Variants in FGF12 observed in about 807,000 individuals in gnomAD.
FGF12 encodes the protein fibroblast growth factor 12, also known as fibroblast growth factor 12B.
A neutral mutation model predicts 23.6 loss-of-function variants in FGF12; 14 were observed. The ratio of observed to expected loss-of-function variants is 0.59; its 90% CI spans 0.39 to 0.93. The LOEUF (loss-of-function observed/expected upper bound fraction) is 0.93. FGF12 is among the 40% of genes least tolerant of loss of function. The pLI, the probability that FGF12 is intolerant of heterozygous loss-of-function variation, is 0.00. For synonymous variants in FGF12, 62 were observed against 77.3 expected, an observed-to-expected ratio of 0.80 and a Z score of 1.04; for missense variants, 175 against 217.8, an observed-to-expected ratio of 0.80 and a Z score of 1.24.
intron 2 of FGF12, among the ~76,000 whole-genome samples, chr3:192,568,167 G>T (rs1712430104): frequency 6.6e-6 from 1 of 152,008 alleles, no homozygotes; most frequent in Non-Finnish European, 1.5e-5. Flanking sequence ...ACTTGTCATT[G>T]GATTTAGGGT....
intron 2 of FGF12, among the ~76,000 whole-genome samples, chr3:192,582,010 G>A (rs1427825584): frequency 1.3e-5 from 2 of 152,064 alleles, no homozygotes; most frequent in African/African-American, 2.4e-5. Context: ...CAGGATTTGT[G>A]GGAAAATAAA....
intron 2 of FGF12, among the ~76,000 whole-genome samples, chr3:192,414,774 T>C (rs1056019500): frequency 6.6e-6 from 1 of 152,186 alleles, no homozygotes; most frequent in Non-Finnish European, 1.5e-5. Flanking sequence ...ATGCCAAATG[T>C]ACTTCCATTC....
intron 2 of FGF12, among the ~76,000 whole-genome samples, chr3:192,411,968 C>T (rs916124203): frequency 6.1e-5 from 9 of 146,382 alleles, no homozygotes; most frequent in African/African-American, 2.3e-4. Flanking sequence ...TTTTTTTTTT[C>T]CAAAGAAAAT....
chr3:192,201,159 G>A (rs1430042822), intron 4 of FGF12, among the ~76,000 whole-genome samples: 2 of 152,310 alleles, frequency 1.3e-5, no homozygotes, highest in Non-Finnish European at 2.9e-5. Context: ...TATGAATATG[G>A]AAGGAGTCAA....
rs1458066160 is a variant in FGF12, at chr3:192,369,919, G to A, written c.14-9381C>T. Among the ~76,000 whole-genome samples, 10 of 152,296 alleles carry A rather than the reference G, an allele frequency of 6.6e-5. No individual in the cohort carries two copies. In the East Asian group the frequency reaches 1.9e-3, roughly 29 times the overall value. On this transcript the variant is annotated intron_variant, in intron 2 of 5. Coordinates refer to ENST00000445105, the MANE Select transcript of FGF12 (RefSeq NM_004113.6). ...AATTTTACCTGGGATGGCAGGTTCTGGGACAAGAAACAGTTGAAAAAAGCT... is the reference window on the plus strand; with the variant it reads ...AATTTTACCTGGGATGGCAGGTTCTAGGACAAGAAACAGTTGAAAAAAGCT...
chr3:192,380,832 C>G (rs1351166072), intron 2 of FGF12, among the ~76,000 whole-genome samples: 1 of 151,926 alleles, frequency 6.6e-6, no homozygotes, highest in Non-Finnish European at 1.5e-5. Context: ...ATAATGCAAA[C>G]CCCACGTAAG....
rs185682225 is a variant in FGF12, at chr3:192,378,706, A to C, written c.14-18168T>G. 5.3e-5 allele frequency among the ~76,000 whole-genome samples: 8 copies of C among 151,470 alleles called. No individual in the cohort carries two copies. The East Asian group carries it at 1.6e-3, about 30-fold the overall frequency. On this transcript the variant is annotated intron_variant, in intron 2 of 5. Transcript: ENST00000445105. The stretch of plus-strand genomic sequence containing the variant: ...TCTCCAAACTCCAAGAATCAAAAGC[A>C]CTTTTTTTTAGGGTCCGGGGGTGCA...
intron 2 of FGF12, among the ~76,000 whole-genome samples, chr3:192,553,528 A>T (rs1455272963): frequency 6.6e-6 from 1 of 152,208 alleles, no homozygotes; most frequent in African/African-American, 2.4e-5. Context: ...TAAGAAGCCC[A>T]GAACCTCTTT....
intron 4 of FGF12, among the ~76,000 whole-genome samples, chr3:192,201,056 T>C (rs1352233225): frequency 6.6e-6 from 1 of 152,158 alleles, no homozygotes; most frequent in African/African-American, 2.4e-5. Context: ...ATCCCTCTGT[T>C]AATTGTGAAG....
chr3:192,588,110 C>A (rs946275973), intron 2 of FGF12, among the ~76,000 whole-genome samples: 6 of 151,248 alleles, frequency 4.0e-5, no homozygotes, highest in Middle Eastern at 3.2e-3. Flanking sequence ...CTTTAGGAGG[C>A]CGAGGTGGGT....
rs1357023711 is a variant in FGF12 at position 192,242,349 on chromosome 3, T to C, written c.229-71693A>G. On this transcript the variant is annotated intron_variant, in intron 4 of 5. Coordinates refer to ENST00000445105, the MANE Select transcript of FGF12 (RefSeq NM_004113.6). ...GGGATGAGCAGCATCCCTAGCCAGA[T>C]GCCAGTAGCCCTCCCCTTCCTAGTT... is the stretch of plus-strand genomic sequence containing the variant. Among the ~76,000 whole-genome samples the C allele has an allele frequency of 2.0e-5, 3 of 152,214 alleles. 1 individual carries two copies. Among genetic ancestry groups the C allele is most frequent in the Non-Finnish European group, 4.4e-5 (3 of 68,038 alleles).
At chr3:192,429,490 A>C (rs180916044) in intron 2 of FGF12, among the ~76,000 whole-genome samples, 2 of 152,264 alleles carry the variant, frequency 1.3e-5, no homozygotes, top group African/African-American at 4.8e-5. Context: ...CTTTGCATAA[A>C]GTATTGATAG....
chr3:192,199,910 G>C (rs941848833), intron 4 of FGF12, among the ~76,000 whole-genome samples: 1 of 152,090 alleles, frequency 6.6e-6, no homozygotes, highest in Non-Finnish European at 1.5e-5. Context: ...ATATATCAAA[G>C]GCCAATCATA....
In FGF12 at chr3:192,329,648, C is replaced by T. The variant is rs185056648; in HGVS notation, c.228+5713G>A. Among the ~76,000 whole-genome samples, 302 of 152,212 alleles carry T rather than the reference C, an allele frequency of 2.0e-3. 4 individuals carry two copies. The highest frequency in any genetic ancestry group is 3.1e-3 in the South Asian group (15 of 4,820). On this transcript the variant is annotated intron_variant, in intron 4 of 5. Coordinates refer to ENST00000445105, the MANE Select transcript of FGF12 (RefSeq NM_004113.6). ...ATACCTCTCCTTCACCACTCCCAAC[C>T]GAAATGCCTTTAAGCACTGTGATCA...
rs143286019 is a variant in FGF12, at chr3:192,531,000, A to G, written c.14-170462T>C. On this transcript the variant is annotated intron_variant, in intron 2 of 5. Transcript: ENST00000445105. ...CAGCTAATTTTTGTATTTTTAGTAG[A>G]GATAGCTTTTCACCATGTTGGCCAG... Among the ~76,000 whole-genome samples the G allele has an allele frequency of 4.3e-3, 648 of 152,226 alleles. 2 individuals are homozygous for G. Among genetic ancestry groups the G allele is most frequent in the Non-Finnish European group, 6.3e-3 (429 of 68,012 alleles).
chr3:192,203,362 G>A (rs1008898128), intron 4 of FGF12, among the ~76,000 whole-genome samples: 10 of 151,922 alleles, frequency 6.6e-5, no homozygotes, highest in African/African-American at 2.4e-4. Context: ...AATTGACTTG[G>A]GAGGTAAAAC....
chr3:192,288,243 CAG>C (rs1470013360), intron 4 of FGF12, among the ~76,000 whole-genome samples: 2 of 151,992 alleles, frequency 1.3e-5, no homozygotes, highest in Non-Finnish European at 2.9e-5. Flanking sequence ...AATTACCTAA[CAG>C]AAAAATAAAT....
chr3:192,319,670 T>C (rs1051759740), intron 4 of FGF12, among the ~76,000 whole-genome samples: 2 of 152,068 alleles, frequency 1.3e-5, no homozygotes, highest in Admixed American at 6.6e-5. Context: ...AAGATATTAA[T>C]AGAAACAGAA....
At chr3:192,275,172 C>A (rs1276614635) in intron 4 of FGF12, among the ~76,000 whole-genome samples, 1 of 152,074 alleles carries the variant, frequency 6.6e-6, no homozygotes, top group Non-Finnish European at 1.5e-5. Context: ...CTGCACCAAG[C>A]CCAACAGACC....
Sources: allele counts gnomAD v4.1 joint callset (sites outside exome capture counted in the v4.1 genomes callset), GRCh38; gene constraint gnomAD v4.1.1; transcripts MANE v1.5; gene names NCBI Gene and HGNC (gene_info 2026-07-23, HGNC 2026-07-21).